The following HSCB variants were observed in gnomAD, a reference collection of about 807,000 sequenced individuals.
HSCB encodes HscB mitochondrial iron-sulfur cluster cochaperone, also known as iron-sulfur cluster co-chaperone protein HscB.
Under a neutral mutation model 31.3 loss-of-function variants are expected in HSCB, and 23 were observed. The ratio of observed to expected loss-of-function variants is 0.74; its 90% CI spans 0.53 to 1.04. The LOEUF (loss-of-function observed/expected upper bound fraction) is 1.04. Among genes scored for constraint, HSCB ranks in the 50% least tolerant of loss-of-function variants. The pLI is 0.00. For missense variants in HSCB, 297 were observed against 288.1 expected, an observed-to-expected ratio of 1.03 and a Z score of -0.22; for synonymous variants, 110 against 104.5, an observed-to-expected ratio of 1.05 and a Z score of -0.32.
chr22:28,755,015 T>C lies in HSCB; in HGVS notation c.617-2063T>C, dbSNP rs78918914. The stretch of plus-strand genomic sequence containing the variant: ...TTCACCATGTTGGCCAGGCTGGTCT[T>C]GAACTCCTGACCTCATGATCCGCCC... On this transcript the variant is annotated intron_variant, in intron 5 of 5. Transcript: ENST00000216027. Among the ~76,000 whole-genome samples, 4 of 150,854 alleles carry C rather than the reference T, an allele frequency of 2.7e-5. No homozygotes were observed. In the East Asian group the frequency reaches 8.3e-4, roughly 31 times the overall value.
At chr22:28,742,542 A>T in intron 1 of HSCB, 1 of 808,964 alleles carries the variant, frequency 1.2e-6, no homozygotes, top group Non-Finnish European at 1.8e-6. Context: ...GGTGTGGAGA[A>T]GGGAGACGAA....
chr22:28,751,717 G>A (rs2030270134), intron 5 of HSCB, among the ~76,000 whole-genome samples: 2 of 150,154 alleles, frequency 1.3e-5, no homozygotes, highest in Admixed American at 1.3e-4. Context: ...CTGCACGCCA[G>A]CCTGAGTGAC....
In HSCB at chr22:28,757,499, T is replaced by C. The variant is rs2030685550; in HGVS notation, c.*330T>C. The C allele has an allele frequency of 5.5e-6, 1 of 180,970 alleles. No homozygotes were observed. The highest frequency in any genetic ancestry group is 6.2e-5 in the Admixed American group (1 of 16,166). The allele number at this position is 180,970 out of a possible 1,614,324, so 11.2% of individuals were successfully genotyped here. ...GACTTAATCTTGAAAAATAAATAAA[T>C]GAAAAATAAAATTCTTGTATATTTC... On this transcript the variant is annotated 3_prime_UTR_variant, in exon 6 of 6. Coordinates refer to ENST00000216027, the MANE Select transcript of HSCB (RefSeq NM_172002.5).
chr22:28,753,011 G>A (rs1291125346), intron 5 of HSCB, among the ~76,000 whole-genome samples: 6 of 151,108 alleles, frequency 4.0e-5, no homozygotes, highest in South Asian at 2.1e-4. Context: ...CCCGGAAGTC[G>A]GAGGTTGCAG....
At chr22:28,747,299 T>C (rs2029906477) in intron 4 of HSCB, among the ~76,000 whole-genome samples, 1 of 152,124 alleles carries the variant, frequency 6.6e-6, no homozygotes, top group Non-Finnish European at 1.5e-5. Context: ...TCATCTAAAC[T>C]AGTTGGTTTT....
Position 28,757,355 on chromosome 22 carries a change from C to T in HSCB, c.*186C>T, listed in dbSNP as rs2030676176. The T allele has an allele frequency of 4.6e-6, 2 of 430,990 alleles. No homozygotes were observed. Among genetic ancestry groups the T allele is most frequent in the Non-Finnish European group, 8.8e-6 (2 of 228,396 alleles). 26.7% of individuals were successfully genotyped at this position (430,990 alleles called of 1,614,324 possible). A position where few individuals can be genotyped will look rare whatever the true frequency, so the allele number is the denominator to read the frequency against. ...CAAAAATTAGCCGGGCATGGTGGCGCGTGCCTGTAATCCCAGCTACTTGGT... is the reference window on the plus strand; with the variant it reads ...CAAAAATTAGCCGGGCATGGTGGCGTGTGCCTGTAATCCCAGCTACTTGGT... On this transcript the variant is annotated 3_prime_UTR_variant, in exon 6 of 6. Transcript: ENST00000216027.
At chr22:28,744,065 T>G in intron 2 of HSCB, 87 bp downstream of exon 2, 2 of 1,053,370 alleles carry the variant, frequency 1.9e-6, no homozygotes, top group South Asian at 1.3e-5. Flanking sequence ...TATCAGGGAC[T>G]GAGCTGGAAA....
At chr22:28,745,613 G>A (rs2146209407) in intron 3 of HSCB, 1 of 306,934 alleles carries the variant, frequency 3.3e-6, no homozygotes, top group Non-Finnish European at 5.9e-6. Context: ...CAAACATCTA[G>A]TTCAACCTCT....
chr22:28,743,890 C>A lies in HSCB; in HGVS notation c.245C>A (p.Ser82Tyr). 1.2e-6 allele frequency: 2 copies of A among 1,613,784 alleles called. No individual in the cohort carries two copies. The highest frequency in any genetic ancestry group is 1.7e-6 in the Non-Finnish European group (2 of 1,179,742). The change falls in exon 2 of 6, where the codon TCC becomes TAC. Residue 82 changes from serine (S) to tyrosine (Y), a missense_variant. Transcript: ENST00000216027. ...TCCCAATTTCCTTCCAGCAACCGTT[C>A]CTTCAGAGTTGATACAGCGAAGCTC... ...DYFSLMDCNR[S>Y]FRVDTAKLQH...
intron 4 of HSCB, among the ~76,000 whole-genome samples, chr22:28,750,265 A>C (rs897859314): frequency 4.0e-5 from 6 of 151,608 alleles, no homozygotes; most frequent in Non-Finnish European, 8.8e-5. Context: ...AAAAAAAAAA[A>C]AAAAAAAAAA....
rs1234114071 is a variant in HSCB, at chr22:28,744,624, G to T, written c.343G>T (p.Asp115Tyr). The change falls in exon 3 of 6, where the codon GAC becomes TAC. Residue 115 changes from aspartate (D) to tyrosine (Y), a missense_variant. Asp to Tyr is a radical substitution (Grantham distance 160). Transcript: ENST00000216027. ...TCATCTCCACTAACAGACTGAAAAG[G>T]ACTTCTCAGAGAAGCATTCGACCCT... ...FFSQRSQTEK[D>Y]FSEKHSTLVN... The T allele has an allele frequency of 2.5e-6, 4 of 1,611,162 alleles. No homozygotes were observed. The highest frequency in any genetic ancestry group is 3.4e-6 in the Non-Finnish European group (4 of 1,177,344).
At chr22:28,756,183 G>A (rs1805026311) in intron 5 of HSCB, among the ~76,000 whole-genome samples, 1 of 151,808 alleles carries the variant, frequency 6.6e-6, no homozygotes, top group East Asian at 1.9e-4. Flanking sequence ...GGGAGGTGGA[G>A]GTTGCAGTGA....
intron 4 of HSCB, among the ~76,000 whole-genome samples, chr22:28,750,320 C>T (rs1419450625): frequency 6.7e-6 from 1 of 149,648 alleles, no homozygotes; most frequent in Non-Finnish European, 1.5e-5. Context: ...TTGAGCAGCT[C>T]ACTGACCTTA....
intron 1 of HSCB, chr22:28,742,597 C>G (rs1258563483): frequency 1.7e-5 from 8 of 477,302 alleles, no homozygotes; most frequent in African/African-American, 1.7e-4. Context: ...AATAGGGGGG[C>G]CGAGGCTAGA....
intron 5 of HSCB, among the ~76,000 whole-genome samples, chr22:28,754,594 C>T (rs1414487296): frequency 6.6e-6 from 1 of 151,694 alleles, no homozygotes; most frequent in African/African-American, 2.4e-5. Context: ...CACTTGAACC[C>T]GGGAGGTGGA....
chr22:28,751,321 AAAG>A (rs773433952), intron 5 of HSCB, 33 bp downstream of exon 5: 119 of 1,419,938 alleles, frequency 8.4e-5, no homozygotes, highest in Admixed American at 1.1e-4. Flanking sequence ...TTAAATATGG[AAAG>A]AAATTTCAAG....
At chr22:28,748,274 C>T (rs1302198205) in intron 4 of HSCB, among the ~76,000 whole-genome samples, 1 of 152,172 alleles carries the variant, frequency 6.6e-6, no homozygotes, top group East Asian at 1.9e-4. Flanking sequence ...GCCTTAACAA[C>T]CTTCTTCTTC....
intron 4 of HSCB, among the ~76,000 whole-genome samples, chr22:28,750,969 T>TTA (rs398036765): frequency 2.8e-5 from 4 of 144,458 alleles, no homozygotes; most frequent in African/African-American, 1.0e-4. Flanking sequence ...TTTTTTTTTT[T>TTA]ACTGATTCTA....
chr22:28,751,141 T>A, intron 4 of HSCB, 100 bp from the exon 5 acceptor site: 1 of 716,150 alleles, frequency 1.4e-6, no homozygotes, highest in Non-Finnish European at 2.4e-6. Flanking sequence ...ACTTCCTCCT[T>A]TGTTGTGTTC....
Sources: gnomAD v4.1 joint callset for allele counts (sites outside exome capture counted in the v4.1 genomes callset) on GRCh38, gnomAD v4.1.1 for gene constraint, MANE v1.5 for transcripts, NCBI Gene and HGNC (gene_info 2026-07-23, HGNC 2026-07-21) for gene names.